The following ASPRV1 variants were observed in gnomAD, a reference collection of about 807,000 sequenced individuals.
The protein encoded by ASPRV1 is aspartic peptidase retroviral like 1, also known as retroviral-like aspartic protease 1.
Under a neutral mutation model 11.0 loss-of-function variants are expected in ASPRV1, and 7 were observed. The ratio of observed to expected loss-of-function variants is 0.64; its 90% CI spans 0.36 to 1.20. The LOEUF (loss-of-function observed/expected upper bound fraction) is 1.20, where lower values mean the gene tolerates loss of function less well. Among genes scored for constraint, ASPRV1 ranks in the 50% most tolerant of loss-of-function variants. ASPRV1 has a pLI of 0.02. For synonymous variants in ASPRV1, 136 were observed against 138.4 expected (o/e 0.98, Z 0.12); for missense variants, 299 against 320.0 (o/e 0.93, Z 0.50).
At chr2:69,942,259 G>C in the ASPRV1 span, 1 of 152,146 alleles carries the variant, frequency 6.6e-6, no homozygotes, top group Non-Finnish European at 1.5e-5. Context: ...TCGATGAGGT[G>C]GTTTCTCATT....
chr2:70,020,989 T>C, the ASPRV1 span, among the ~76,000 whole-genome samples: 5 of 152,206 alleles, frequency 3.3e-5, no homozygotes, highest in Non-Finnish European at 5.9e-5. Flanking sequence ...TACTTAAAAA[T>C]TTTATGTGTA....
the ASPRV1 span, among the ~76,000 whole-genome samples, chr2:69,936,143 A>G: frequency 6.6e-6 from 1 of 151,692 alleles, no homozygotes; most frequent in African/African-American, 2.4e-5. Context: ...GAGGACTTCT[A>G]CTTATTCTTC....
At chr2:70,008,532 T>G in the ASPRV1 span, among the ~76,000 whole-genome samples, 1 of 152,198 alleles carries the variant, frequency 6.6e-6, no homozygotes, top group African/African-American at 2.4e-5. Context: ...AGTCCAACCT[T>G]GTCCAACCCA....
chr2:69,984,213 AT>A, the ASPRV1 span, among the ~76,000 whole-genome samples: 14 of 151,804 alleles, frequency 9.2e-5, no homozygotes, highest in African/African-American at 3.4e-4. Context: ...TAATTTTTGT[AT>A]TTTTAGTAGA....
At chr2:69,955,382 C>G (rs1172608889), downstream of ASPRV1, among the ~76,000 whole-genome samples, 1 of 152,238 alleles carries the variant, frequency 6.6e-6, no homozygotes, top group Non-Finnish European at 1.5e-5. Flanking sequence ...CCCTGCACAC[C>G]TGGGAGACCT....
At chr2:70,032,432 G>T in the ASPRV1 span, among the ~76,000 whole-genome samples, 1 of 151,814 alleles carries the variant, frequency 6.6e-6, no homozygotes, top group South Asian at 2.1e-4. Context: ...AACACGGGAG[G>T]GCTGCTTGAG....
chr2:69,945,493 T>C, the ASPRV1 span, among the ~76,000 whole-genome samples: 2 of 152,192 alleles, frequency 1.3e-5, no homozygotes, highest in Non-Finnish European at 2.9e-5. Flanking sequence ...AGTGTCCTTG[T>C]GGAGACTAGA....
At chr2:69,966,818 G>T in the ASPRV1 span, among the ~76,000 whole-genome samples, 1 of 152,188 alleles carries the variant, frequency 6.6e-6, no homozygotes, top group Non-Finnish European at 1.5e-5. Context: ...ACAGGAAGTT[G>T]TGTCTTTTCA....
the ASPRV1 span, among the ~76,000 whole-genome samples, chr2:70,061,377 AGAGT>A: frequency 6.7e-6 from 1 of 149,134 alleles, no homozygotes; most frequent in African/African-American, 2.5e-5. Flanking sequence ...CCTGGGTGAT[AGAGT>A]GAGACTCTGT....
the ASPRV1 span, among the ~76,000 whole-genome samples, chr2:70,065,216 G>C: frequency 6.6e-6 from 1 of 151,594 alleles, no homozygotes; most frequent in Non-Finnish European, 1.5e-5. Flanking sequence ...AGATCATCCT[G>C]GCTAACACGG....
the ASPRV1 span, among the ~76,000 whole-genome samples, chr2:70,036,393 G>T: frequency 6.6e-6 from 1 of 151,854 alleles, no homozygotes; most frequent in African/African-American, 2.4e-5. Flanking sequence ...AAGCTGTAAT[G>T]GCAATACAAG....
chr2:70,019,367 T>C, the ASPRV1 span, among the ~76,000 whole-genome samples: 1 of 152,140 alleles, frequency 6.6e-6, no homozygotes, highest in Non-Finnish European at 1.5e-5. Flanking sequence ...TCCTCAAAAA[T>C]TTAAAAGTAG....
upstream of ASPRV1, chr2:69,964,601 C>T (rs1210173366): frequency 3.9e-6 from 1 of 254,362 alleles, no homozygotes; most frequent in East Asian, 1.0e-4. Flanking sequence ...CTCCCAGAAC[C>T]TAGGAAATCA....
the ASPRV1 span, among the ~76,000 whole-genome samples, chr2:69,980,605 A>T: frequency 4.6e-5 from 7 of 152,286 alleles, no homozygotes; most frequent in East Asian, 1.3e-3. Flanking sequence ...GAAATCCCAA[A>T]ATATCTGGAG....
the ASPRV1 span, chr2:69,937,967 A>G: frequency 3.6e-6 from 3 of 826,260 alleles, no homozygotes; most frequent in Non-Finnish European, 3.8e-6. Context: ...AGCTGGTCTC[A>G]AACTCCTAAC....
At chr2:70,027,259 CAAAAA>C in the ASPRV1 span, among the ~76,000 whole-genome samples, 1 of 49,666 alleles carries the variant, frequency 2.0e-5, no homozygotes, top group Non-Finnish European at 4.2e-5. Flanking sequence ...CCCTGTCTCT[CAAAAA>C]AAAAAAAAAA....
At chr2:70,060,921 T>G in the ASPRV1 span, among the ~76,000 whole-genome samples, 1 of 152,210 alleles carries the variant, frequency 6.6e-6, no homozygotes, top group Non-Finnish European at 1.5e-5. Context: ...CTCTACATAC[T>G]AGGCCCTGAA....
the ASPRV1 span, among the ~76,000 whole-genome samples, chr2:70,008,217 T>TG: frequency 6.6e-6 from 1 of 152,084 alleles, no homozygotes; most frequent in African/African-American, 2.4e-5. Context: ...TGTGGAAAAT[T>TG]TTTCAAGATT....
At chr2:70,079,694 G>C in the ASPRV1 span, among the ~76,000 whole-genome samples, 1 of 152,208 alleles carries the variant, frequency 6.6e-6, no homozygotes, top group South Asian at 2.1e-4. Flanking sequence ...ATGCTACTGA[G>C]ATATCAAGAA....
Sources: gnomAD v4.1 joint callset for allele counts (sites outside exome capture counted in the v4.1 genomes callset) on GRCh38, gnomAD v4.1.1 for gene constraint, MANE v1.5 for transcripts, NCBI Gene and HGNC (gene_info 2026-07-23, HGNC 2026-07-21) for gene names.